Variants in DNAJC1 observed in about 807,000 individuals in gnomAD.
DNAJC1 encodes the protein dnaJ homolog subfamily C member 1.
DNAJC1 carries 58 observed loss-of-function variants against 76.6 expected under a neutral mutation model. The ratio of observed to expected loss-of-function variants is 0.76; its 90% CI spans 0.61 to 0.94. The LOEUF is 0.94. Among genes scored for constraint, DNAJC1 ranks in the 40% least tolerant of loss-of-function variants. The pLI is 0.00. For synonymous variants in DNAJC1, 258 were observed against 267.9 expected (o/e 0.96, Z 0.36); for missense variants, 689 against 677.3 (o/e 1.02, Z -0.19).
At chr10:21,897,493 T>A (rs1836562450) in intron 7 of DNAJC1, among the ~76,000 whole-genome samples, 1 of 152,162 alleles carries the variant, frequency 6.6e-6, no homozygotes, top group South Asian at 2.1e-4. Context: ...GGCCATGGAC[T>A]TAGGAACCAG....
intron 1 of DNAJC1, among the ~76,000 whole-genome samples, chr10:21,991,491 T>C (rs566679977): frequency 6.6e-6 from 1 of 152,034 alleles, no homozygotes; most frequent in Non-Finnish European, 1.5e-5. Flanking sequence ...TATAGATAAG[T>C]AACTAGGAAT....
At chr10:21,902,642 A>C (rs921748830) in intron 7 of DNAJC1, among the ~76,000 whole-genome samples, 4 of 152,098 alleles carry the variant, frequency 2.6e-5, no homozygotes, top group Non-Finnish European at 5.9e-5. Context: ...AATTACATCA[A>C]ACTCTTAAGC....
intron 1 of DNAJC1, among the ~76,000 whole-genome samples, chr10:21,939,427 A>G (rs977291301): frequency 4.6e-5 from 7 of 152,238 alleles, no homozygotes; most frequent in Admixed American, 1.3e-4. Flanking sequence ...GCAGTGCATG[A>G]CATTTTGGTC....
intron 8 of DNAJC1, among the ~76,000 whole-genome samples, chr10:21,826,100 T>G (rs1835244963): frequency 6.6e-6 from 1 of 151,944 alleles, no homozygotes; most frequent in Non-Finnish European, 1.5e-5. Context: ...TAGCCAGGCG[T>G]GGTGGCAGGA....
chr10:21,853,489 G>C (rs1398802845), intron 8 of DNAJC1, among the ~76,000 whole-genome samples: 1 of 152,064 alleles, frequency 6.6e-6, no homozygotes, highest in East Asian at 1.9e-4. Flanking sequence ...TTAGCATTCA[G>C]GAGCACACTT....
chr10:21,936,700 A>G (rs1316524604), intron 1 of DNAJC1, among the ~76,000 whole-genome samples: 2 of 152,186 alleles, frequency 1.3e-5, no homozygotes, highest in African/African-American at 4.8e-5. Context: ...CTGAAACTAA[A>G]CTGGTATTAA....
chr10:21,769,135 T>C (rs898367551), intron 9 of DNAJC1, among the ~76,000 whole-genome samples: 6 of 152,206 alleles, frequency 3.9e-5, no homozygotes, highest in Non-Finnish European at 7.3e-5. Flanking sequence ...GCCATTCATG[T>C]TCTTTCCACT....
At chr10:21,838,950 T>C (rs899809667) in intron 8 of DNAJC1, among the ~76,000 whole-genome samples, 17 of 152,158 alleles carry the variant, frequency 1.1e-4, no homozygotes, top group Non-Finnish European at 2.4e-4. Flanking sequence ...AGAAACTCAC[T>C]CAAAACCGCT....
At chr10:21,831,432 T>C (rs1041997996) in intron 8 of DNAJC1, among the ~76,000 whole-genome samples, 2 of 152,230 alleles carry the variant, frequency 1.3e-5, no homozygotes, top group African/African-American at 4.8e-5. Context: ...GTACCAAAAC[T>C]AGATTTACTT....
chr10:21,843,391 C>CCT (rs1323573453), intron 8 of DNAJC1, among the ~76,000 whole-genome samples: 4 of 149,308 alleles, frequency 2.7e-5, no homozygotes, highest in African/African-American at 1.0e-4. Flanking sequence ...TAGAGGTTTC[C>CCT]CTTTTTTTTT....
chr10:21,824,507 C>T lies in DNAJC1; in HGVS notation c.979-18408G>A, dbSNP rs958221389. On this transcript the variant is annotated intron_variant, in intron 8 of 11. Coordinates refer to ENST00000376980, the MANE Select transcript of DNAJC1 (RefSeq NM_022365.4). ...GAAGTAAGGCTGTATAAGTTGAAGA[C>T]ATATATTAAGGTCCTAGAAAATAAC... 3.6e-4 allele frequency among the ~76,000 whole-genome samples: 55 copies of T among 152,226 alleles called. No individual in the cohort carries two copies. The South Asian group carries it at 5.4e-3, about 15-fold the overall frequency.
intron 1 of DNAJC1, among the ~76,000 whole-genome samples, chr10:21,956,697 T>C (rs978007358): frequency 6.6e-6 from 1 of 151,388 alleles, no homozygotes; most frequent in African/African-American, 2.4e-5. Flanking sequence ...CATTACAAAA[T>C]CTAACATATC....
intron 10 of DNAJC1, among the ~76,000 whole-genome samples, chr10:21,761,549 T>TAAAAA (rs369792978): frequency 7.6e-6 from 1 of 131,478 alleles, no homozygotes; most frequent in Non-Finnish European, 1.6e-5. Flanking sequence ...AGACTCCGTC[T>TAAAAA]AAAAAAAAAA....
intron 9 of DNAJC1, among the ~76,000 whole-genome samples, chr10:21,778,063 C>T (rs564405442): frequency 1.3e-5 from 2 of 152,312 alleles, no homozygotes; most frequent in South Asian, 2.1e-4. Context: ...GTAGCGCACA[C>T]TTGTAGTCCC....
chr10:21,986,419 C>A (rs932554719), intron 1 of DNAJC1, among the ~76,000 whole-genome samples: 1 of 152,064 alleles, frequency 6.6e-6, no homozygotes, highest in Admixed American at 6.5e-5. Flanking sequence ...TATTGAGTAC[C>A]TTTTCATGTG....
intron 8 of DNAJC1, among the ~76,000 whole-genome samples, chr10:21,809,909 G>A (rs1379000815): frequency 6.6e-6 from 1 of 151,660 alleles, no homozygotes; most frequent in Admixed American, 6.6e-5. Flanking sequence ...GCAGTTGGCT[G>A]CCTTCTTGCT....
At chr10:21,817,725 T>C (rs1014075791) in intron 8 of DNAJC1, among the ~76,000 whole-genome samples, 14 of 152,216 alleles carry the variant, frequency 9.2e-5, no homozygotes, top group Non-Finnish European at 1.3e-4. Flanking sequence ...AGAACGTGGA[T>C]TGTGAAGATT....
At chr10:22,000,926 T>C (rs185649860) in intron 1 of DNAJC1, among the ~76,000 whole-genome samples, 1 of 152,336 alleles carries the variant, frequency 6.6e-6, no homozygotes, top group Non-Finnish European at 1.5e-5. Flanking sequence ...GTCCAGTTCA[T>C]GGCATTTTGC....
chr10:21,843,458 A>G (rs1835604302), intron 8 of DNAJC1, among the ~76,000 whole-genome samples: 1 of 150,734 alleles, frequency 6.6e-6, no homozygotes, highest in African/African-American at 2.4e-5. Flanking sequence ...CAGTGGCACA[A>G]TCTCAGCTCA....
Sources: gnomAD v4.1 joint callset for allele counts (sites outside exome capture counted in the v4.1 genomes callset) on GRCh38, gnomAD v4.1.1 for gene constraint, MANE v1.5 for transcripts, NCBI Gene and HGNC (gene_info 2026-07-23, HGNC 2026-07-21) for gene names.